Variants in ZNF804B observed in about 807,000 individuals in gnomAD.
The protein encoded by ZNF804B is zinc finger 804B.
ZNF804B carries 80 observed loss-of-function variants against 101.4 expected under a neutral mutation model. The observed-to-expected ratio is 0.79, with a 90% CI of 0.66 to 0.95. The LOEUF is 0.95. ZNF804B is among the 40% of genes least tolerant of loss of function. The pLI is 0.00. For synonymous variants in ZNF804B, 622 were observed against 558.8 expected, an observed-to-expected ratio of 1.11 and a Z score of -1.59; for missense variants, 1,673 against 1,561.9, an observed-to-expected ratio of 1.07 and a Z score of -1.20.
intron 3 of ZNF804B, among the ~76,000 whole-genome samples, chr7:89,332,962 T>C (rs1562742709): frequency 6.6e-6 from 1 of 151,906 alleles, no homozygotes; most frequent in Non-Finnish European, 1.5e-5. Flanking sequence ...AAAATTTTTA[T>C]ATTTTTAAAG....
intron 1 of ZNF804B, among the ~76,000 whole-genome samples, chr7:88,844,829 T>C (rs1001360364): frequency 1.3e-5 from 2 of 152,212 alleles, no homozygotes; most frequent in African/African-American, 4.8e-5. Flanking sequence ...GTTTAACACA[T>C]AATTTTGAGA....
intron 2 of ZNF804B, among the ~76,000 whole-genome samples, chr7:89,280,696 C>G (rs1790078843): frequency 6.6e-6 from 1 of 152,200 alleles, no homozygotes; most frequent in African/African-American, 2.4e-5. Flanking sequence ...TCTCCCAAGA[C>G]TAAACCAGGA....
intron 1 of ZNF804B, among the ~76,000 whole-genome samples, chr7:88,858,844 A>G (rs148354263): frequency 5.9e-5 from 9 of 152,268 alleles, no homozygotes; most frequent in African/African-American, 2.2e-4. Context: ...ACAACTGTGA[A>G]CTTGATGCCA....
At chr7:88,783,080 A>G (rs1297927817) in intron 1 of ZNF804B, among the ~76,000 whole-genome samples, 1 of 152,196 alleles carries the variant, frequency 6.6e-6, no homozygotes, top group Non-Finnish European at 1.5e-5. Context: ...TTAAAAGGTA[A>G]TATTGAGTAC....
chr7:88,914,698 A>T (rs546968558), intron 1 of ZNF804B, among the ~76,000 whole-genome samples: 30 of 150,694 alleles, frequency 2.0e-4, no homozygotes, highest in East Asian at 1.3e-3. Flanking sequence ...AATAATTGAT[A>T]AAAAAAATGG....
At chr7:89,108,511 T>C (rs1236445522) in intron 1 of ZNF804B, among the ~76,000 whole-genome samples, 2 of 152,202 alleles carry the variant, frequency 1.3e-5, no homozygotes, top group African/African-American at 4.8e-5. Flanking sequence ...AACTTTTTAT[T>C]ATTCTAGAAT....
intron 1 of ZNF804B, among the ~76,000 whole-genome samples, chr7:89,020,781 C>T (rs952666974): frequency 1.3e-5 from 2 of 151,944 alleles, no homozygotes; most frequent in East Asian, 1.9e-4. Context: ...TTTAATTTTG[C>T]TCATTGAATT....
At chr7:88,882,227 A>G (rs976847472) in intron 1 of ZNF804B, among the ~76,000 whole-genome samples, 2 of 152,188 alleles carry the variant, frequency 1.3e-5, no homozygotes, top group Non-Finnish European at 2.9e-5. Context: ...ATGAGCAGAC[A>G]CTTTTCAAAA....
At chr7:88,880,656 T>A (rs1024222055) in intron 1 of ZNF804B, among the ~76,000 whole-genome samples, 1 of 152,132 alleles carries the variant, frequency 6.6e-6, no homozygotes, top group Admixed American at 6.6e-5. Flanking sequence ...ACCAATCTGA[T>A]ACAGTAAACT....
intron 1 of ZNF804B, among the ~76,000 whole-genome samples, chr7:89,072,887 A>G (rs1583970518): frequency 6.6e-6 from 1 of 152,226 alleles, no homozygotes; most frequent in East Asian, 1.9e-4. Flanking sequence ...ATAAAGATAT[A>G]TGAGAGCTCA....
intron 1 of ZNF804B, among the ~76,000 whole-genome samples, chr7:88,812,903 AG>A (rs1247517350): frequency 6.6e-6 from 1 of 151,860 alleles, no homozygotes; most frequent in Non-Finnish European, 1.5e-5. Context: ...GACCAAGGAG[AG>A]GGGAAAATGG....
chr7:89,136,884 C>T (rs578109569), intron 1 of ZNF804B, among the ~76,000 whole-genome samples: 1 of 152,012 alleles, frequency 6.6e-6, no homozygotes, highest in South Asian at 2.1e-4. Flanking sequence ...CTTTCCTGTG[C>T]TGTTCTCATG....
chr7:89,111,036 C>CCTCCATGTCTTTTTATGG (rs1430439174), intron 1 of ZNF804B, among the ~76,000 whole-genome samples: 3 of 152,030 alleles, frequency 2.0e-5, no homozygotes, highest in Non-Finnish European at 4.4e-5. Flanking sequence ...TTCTAAGTTT[C>CCTCCATGTCTTTTTATGG]CTCCATGTCT....
intron 1 of ZNF804B, among the ~76,000 whole-genome samples, chr7:88,782,102 C>CGTGTGTGT (rs72225764): frequency 2.0e-4 from 29 of 142,090 alleles, no homozygotes; most frequent in African/African-American, 5.4e-4. Context: ...TGTGTGAGTG[C>CGTGTGTGT]GTGTGTGTGT....
chr7:88,855,445 G>A (rs1028399553), intron 1 of ZNF804B, among the ~76,000 whole-genome samples: 15 of 151,952 alleles, frequency 9.9e-5, no homozygotes, highest in African/African-American at 3.1e-4. Context: ...ACTTGTTGAT[G>A]GGGTTGTTTG....
chr7:89,150,892 G>T (rs7796934), intron 1 of ZNF804B, among the ~76,000 whole-genome samples: 54,686 of 151,882 alleles, frequency 0.36, 9,891 homozygotes, highest in Middle Eastern at 0.49. Flanking sequence ...GTTATCATTT[G>T]ACGAGTTTCT....
chr7:88,873,957 T>C (rs529810618), intron 1 of ZNF804B, among the ~76,000 whole-genome samples: 192 of 152,318 alleles, frequency 1.3e-3, no homozygotes, highest in Non-Finnish European at 2.4e-3. Flanking sequence ...ATGCGGGCTC[T>C]TTTTTGGTTC....
At chr7:88,978,075 C>A (rs1202532870) in intron 1 of ZNF804B, among the ~76,000 whole-genome samples, 1 of 151,568 alleles carries the variant, frequency 6.6e-6, no homozygotes, top group Non-Finnish European at 1.5e-5. Context: ...TAGTTTTATT[C>A]CATTGTGGCC....
chr7:89,035,069 A>T (rs546597504), intron 1 of ZNF804B, among the ~76,000 whole-genome samples: 2 of 152,206 alleles, frequency 1.3e-5, no homozygotes, highest in African/African-American at 4.8e-5. Context: ...TTACATGTGA[A>T]TGAGCATTTT....
Sources: gnomAD v4.1 joint callset for allele counts (sites outside exome capture counted in the v4.1 genomes callset) on GRCh38, gnomAD v4.1.1 for gene constraint, MANE v1.5 for transcripts, NCBI Gene and HGNC (gene_info 2026-07-23, HGNC 2026-07-21) for gene names.